Variants in LAMA1 observed in about 807,000 individuals in gnomAD.
LAMA1 encodes the protein laminin subunit alpha-1.
LAMA1 carries 219 observed loss-of-function variants against 348.7 expected under a neutral mutation model. That is an observed-to-expected ratio of 0.63 (90% confidence interval 0.56 to 0.70). The LOEUF (loss-of-function observed/expected upper bound fraction) is 0.70. Among genes scored for constraint, LAMA1 ranks in the 30% least tolerant of loss-of-function variants. The probability of loss-of-function intolerance (pLI) is 0.00; values close to 1 mark genes in which losing one functional copy is unlikely to be tolerated. For synonymous variants in LAMA1, 1,487 were observed against 1,491.0 expected, an observed-to-expected ratio of 1.00 and a Z score of 0.06; for missense variants, 3,744 against 3,888.0, an observed-to-expected ratio of 0.96 and a Z score of 0.99.
Position 7,043,339 on chromosome 18 carries a change from C to G in LAMA1, c.1043G>C (p.Ser348Thr). 1 of 1,614,080 alleles carries G rather than the reference C, an allele frequency of 6.2e-7. No individual in the cohort carries two copies. The highest frequency in any genetic ancestry group is 8.5e-7 in the Non-Finnish European group (1 of 1,180,018). ...TCTGAACTGTCCAGCAGTATTCAAA[C>G]TTTTCTTCTGCTTTGCAACACTTTC... ...YDESVAKQKK[S>T]LNTAGQFRGG... Residue 348 changes from serine to threonine, a missense_variant, in exon 8 of 63, where the codon AGT (serine) becomes ACT (threonine). Transcript: ENST00000389658.
chr18:6,967,954 A>G (rs530828816), intron 48 of LAMA1, among the ~76,000 whole-genome samples: 1 of 152,284 alleles, frequency 6.6e-6, no homozygotes, highest in South Asian at 2.1e-4. Context: ...CTCAAATGAA[A>G]TGATGACTGA....
chr18:7,081,285 C>T (rs955074060), intron 1 of LAMA1, among the ~76,000 whole-genome samples: 1 of 152,138 alleles, frequency 6.6e-6, no homozygotes, highest in African/African-American at 2.4e-5. Flanking sequence ...TTCAAATGAT[C>T]CAATGCATAT....
rs180807251 is a variant in LAMA1 at position 7,091,226 on chromosome 18, T to C, written c.62-10769A>G. 6.3e-3 allele frequency among the ~76,000 whole-genome samples: 956 copies of C among 152,322 alleles called. 15 individuals carry two copies. The highest frequency in any genetic ancestry group is 8.0e-3 in the Non-Finnish European group (543 of 68,034). On this transcript the variant is annotated intron_variant, in intron 1 of 62. Coordinates refer to ENST00000389658, the MANE Select transcript of LAMA1 (RefSeq NM_005559.4). ...TGTTCTACCTGATTAAAATTATTATTGCACTTACGCAAAACACAATAGCAC... is the reference window on the plus strand; with the variant it reads ...TGTTCTACCTGATTAAAATTATTATCGCACTTACGCAAAACACAATAGCAC...
rs113914459 is a variant in LAMA1, at chr18:6,971,916, T to C, written c.6840A>G (p.Lys2280=). The change falls in exon 48 of 63, where the codon AAA becomes AAG. Residue 2280 remains lysine, a synonymous_variant. Coordinates refer to ENST00000389658, the MANE Select transcript of LAMA1 (RefSeq NM_005559.4). The stretch of plus-strand genomic sequence containing the variant: ...CAATATAGTTCCATAGGCCTATGGA[T>C]TTTCCATTCAGGAAGGCCTCCCCCA... The part of the protein sequence containing the change: ...GCLGEAFLNG[K]SIGLWNYIER... The C allele has an allele frequency of 3.6e-4, 581 of 1,614,014 alleles. 4 individuals carry two copies. The African/African-American group carries it at 6.7e-3, about 19-fold the overall frequency.
intron 3 of LAMA1, among the ~76,000 whole-genome samples, chr18:7,077,203 T>TC (rs2058172331): frequency 1.4e-5 from 2 of 143,858 alleles, no homozygotes; most frequent in African/African-American, 5.1e-5. Context: ...TCTTTTCTTT[T>TC]TTTTTTTTTT....
In LAMA1 at chr18:7,062,404, T is replaced by C. The variant is rs112797965; in HGVS notation, c.346-11468A>G. On this transcript the variant is annotated intron_variant, in intron 3 of 62. Coordinates refer to ENST00000389658, the MANE Select transcript of LAMA1 (RefSeq NM_005559.4). ...GAGCACAGAGGAAGGAGTGCAGAGATGGCAGGAGAGAGCCGGCGGGCGCCT... is the reference window on the plus strand; with the variant it reads ...GAGCACAGAGGAAGGAGTGCAGAGACGGCAGGAGAGAGCCGGCGGGCGCCT... Among the ~76,000 whole-genome samples, 817 of 152,192 alleles carry C rather than the reference T, an allele frequency of 5.4e-3. 7 individuals are homozygous for C. The highest frequency in any genetic ancestry group is 0.018 in the African/African-American group (731 of 41,534).
intron 32 of LAMA1, among the ~76,000 whole-genome samples, chr18:6,999,152 G>A (rs555522391): frequency 6.6e-6 from 1 of 151,928 alleles, no homozygotes; most frequent in Non-Finnish European, 1.5e-5. Flanking sequence ...ATCACTCCTG[G>A]CTCCACTAAA....
At chr18:7,057,895 A>G (rs1362409294) in intron 3 of LAMA1, among the ~76,000 whole-genome samples, 1 of 151,746 alleles carries the variant, frequency 6.6e-6, no homozygotes, top group African/African-American at 2.4e-5. Context: ...CCTGGGCTCA[A>G]GCGGTTCTCC....
At chr18:6,947,490 G>A (rs1484541972) in intron 60 of LAMA1, among the ~76,000 whole-genome samples, 194 bp from the exon 61 acceptor site, 2 of 152,124 alleles carry the variant, frequency 1.3e-5, no homozygotes, top group Non-Finnish European at 2.9e-5. Flanking sequence ...AGCTTTTAAA[G>A]AAGACGCATG....
chr18:7,009,519 C>T (rs770878540), intron 26 of LAMA1, among the ~76,000 whole-genome samples, 153 bp from the exon 27 acceptor site: 20 of 152,096 alleles, frequency 1.3e-4, no homozygotes, highest in South Asian at 4.1e-4. Flanking sequence ...CTCCTGAAAC[C>T]TCCATGGACA....
At chr18:7,044,152 G>A (rs1420973976) in intron 7 of LAMA1, among the ~76,000 whole-genome samples, 1 of 111,450 alleles carries the variant, frequency 9.0e-6, no homozygotes, top group African/African-American at 3.8e-5. Flanking sequence ...GACAGAGTGA[G>A]ACTCCATCTC....
At position 7,015,798 on chromosome 18, in the gene LAMA1, G is replaced by T. The variant is rs1371879610; in HGVS notation, c.3050C>A (p.Pro1017His). 1.2e-6 allele frequency: 2 copies of T among 1,614,050 alleles called. No homozygotes were observed. Among genetic ancestry groups the T allele is most frequent in the East Asian group, 4.5e-5 (2 of 44,878 alleles). The change falls in exon 22 of 63, where the codon CCC (proline) becomes CAC (histidine). Residue 1017 changes from proline to histidine, a missense_variant. This residue lies in a region of LAMA1 where 1,529 missense variants were observed against 1,689.4 expected (regional missense o/e 0.91). Transcript: ENST00000389658. ...ACACTTCACACCCTGTGTGTGAGGG[G>T]GGCAGACACACTCTCCAGTTTCTGG... Reference protein sequence around the residue: ...CDPETGECVCPPHTQGVKCEE... With the variant: ...CDPETGECVCHPHTQGVKCEE...
chr18:6,950,834 C>T lies in LAMA1; in HGVS notation c.8345G>A (p.Gly2782Asp), dbSNP rs1280598953. 5.0e-6 allele frequency: 8 copies of T among 1,614,154 alleles called. No homozygotes were observed. Among genetic ancestry groups the T allele is most frequent in the Non-Finnish European group, 6.8e-6 (8 of 1,180,026 alleles). ...RLHFMFDLGK[G>D]RTKVSHPALL... ...TGCAGGGTGAGAGACCTTTGTTCTG[C>T]CTTTGCCAAGGTCAAACATGAAGTG... Residue 2782 changes from glycine to aspartate, a missense_variant, in exon 58 of 63, where the codon GGC (glycine) becomes GAC (aspartate). Physicochemically the swap from Gly to Asp is moderately conservative, Grantham distance 94. This residue lies in a region of LAMA1 where 1,983 missense variants were observed against 1,934.3 expected (regional missense o/e 1.03). Transcript: ENST00000389658.
intron 20 of LAMA1, 139 bp downstream of exon 20, chr18:7,017,139 A>C: frequency 1.3e-6 from 1 of 761,222 alleles, no homozygotes; most frequent in Non-Finnish European, 2.3e-6. Context: ...CTTTGTTGAT[A>C]AATTCCCCAG....
intron 36 of LAMA1, among the ~76,000 whole-genome samples, chr18:6,987,932 A>C (rs955073277): frequency 2.0e-5 from 3 of 152,204 alleles, no homozygotes; most frequent in Non-Finnish European, 4.4e-5. Flanking sequence ...TTATTATTAA[A>C]TAAGATATCT....
intron 30 of LAMA1, 107 bp from the exon 31 acceptor site, chr18:7,000,104 T>A: frequency 1.2e-6 from 1 of 827,310 alleles, no homozygotes; most frequent in Non-Finnish European, 2.0e-6. Context: ...CTCAAAGTTA[T>A]GTGATTACAC....
Position 7,008,569 on chromosome 18 carries a change from T to TTCA in LAMA1, c.4038_4040dup (p.Ala1346_Glu1347insAsp). 6.2e-7 allele frequency: 1 copy of TTCA among 1,614,098 alleles called. No homozygotes were observed. Among genetic ancestry groups the TTCA allele is most frequent in the Non-Finnish European group, 8.5e-7 (1 of 1,179,990 alleles). On this transcript the variant is annotated inframe_insertion, in exon 28 of 63. Transcript: ENST00000389658. ...CAACCTCTTCTTCTGGGTGCAGCTTTTCAGCCTTTCTGCCAACCTCCATTG... is the reference window on the plus strand; with the variant it reads ...CAACCTCTTCTTCTGGGTGCAGCTTTTCATCAGCCTTTCTGCCAACCTCCATTG...
intron 22 of LAMA1, among the ~76,000 whole-genome samples, chr18:7,015,225 C>T (rs968962358): frequency 2.0e-5 from 3 of 152,122 alleles, no homozygotes; most frequent in Admixed American, 6.5e-5. Context: ...TTAAGGGTGT[C>T]CTGTCTTCCA....
rs772526993 is a variant in LAMA1 at position 6,950,832 on chromosome 18, T to G, written c.8347A>C (p.Arg2783=). The change falls in exon 58 of 63, where the codon AGA becomes CGA. Residue 2783 remains arginine, a synonymous_variant. Transcript: ENST00000389658. The stretch of plus-strand genomic sequence containing the variant: ...AGTGCAGGGTGAGAGACCTTTGTTC[T>G]GCCTTTGCCAAGGTCAAACATGAAG... ...LHFMFDLGKG[R]TKVSHPALLS... is the part of the protein sequence containing the mutation. The G allele has an allele frequency of 7.4e-6, 12 of 1,614,074 alleles. No homozygotes were observed. Among genetic ancestry groups the G allele is most frequent in the Non-Finnish European group, 1.0e-5 (12 of 1,180,040 alleles).
Sources: allele counts gnomAD v4.1 joint callset (sites outside exome capture counted in the v4.1 genomes callset), GRCh38; gene constraint gnomAD v4.1.1; regional missense constraint gnomAD v4.1.1; transcripts MANE v1.5; gene names NCBI Gene and HGNC (gene_info 2026-07-23, HGNC 2026-07-21).